PLXNC1: variants seen among roughly 807,000 people sequenced by gnomAD.
The protein encoded by PLXNC1 is plexin-C1.
In PLXNC1, 75 loss-of-function variants were observed where a neutral mutation model predicts 178.2. The ratio of observed to expected loss-of-function variants is 0.42; its 90% CI spans 0.35 to 0.51. The LOEUF (loss-of-function observed/expected upper bound fraction) is 0.51, where lower values mean the gene tolerates loss of function less well. Among genes scored for constraint, PLXNC1 ranks in the 20% least tolerant of loss-of-function variants. PLXNC1 has a pLI of 0.02. For missense variants in PLXNC1, 1,503 were observed against 1,984.4 expected (o/e 0.76, Z 4.61); for synonymous variants, 790 against 779.9 (o/e 1.01, Z -0.22).
At chr12:94,277,989 G>A (rs1966107009) in intron 21 of PLXNC1, 2 of 455,896 alleles carry the variant, frequency 4.4e-6, no homozygotes, top group Non-Finnish European at 8.8e-6. Context: ...ATTGCCTCCT[G>A]CAGCCTCTGC....
intron 9 of PLXNC1, among the ~76,000 whole-genome samples, chr12:94,231,459 C>G (rs143291621): frequency 7.2e-5 from 11 of 152,254 alleles, no homozygotes; most frequent in Non-Finnish European, 1.3e-4. Flanking sequence ...TCTTCAGTGG[C>G]AATGGAATGC....
At chr12:94,300,392 A>C (rs1212715043) in intron 27 of PLXNC1, among the ~76,000 whole-genome samples, 2 of 152,194 alleles carry the variant, frequency 1.3e-5, no homozygotes, top group Non-Finnish European at 2.9e-5. Flanking sequence ...CAAGAGCACA[A>C]GTTGTGAGGC....
At chr12:94,264,265 G>C (rs1479134316) in intron 20 of PLXNC1, among the ~76,000 whole-genome samples, 1 of 152,138 alleles carries the variant, frequency 6.6e-6, no homozygotes, top group East Asian at 1.9e-4. Flanking sequence ...GCAGACATCC[G>C]TGTCTGCGAA....
intron 2 of PLXNC1, among the ~76,000 whole-genome samples, chr12:94,173,473 A>T (rs1961923909): frequency 1.3e-5 from 2 of 152,206 alleles, no homozygotes; most frequent in Non-Finnish European, 2.9e-5. Flanking sequence ...AATAATCGCT[A>T]ACATTTCTGA....
rs77277983 is a variant in PLXNC1, at chr12:94,254,770, G to T, written c.2882-17G>T. 0.018 allele frequency: 27,611 copies of T among 1,560,654 alleles called. 304 individuals are homozygous for T. Among genetic ancestry groups the T allele is most frequent in the Middle Eastern group, 0.037 (218 of 5,828 alleles). On this transcript the variant is annotated splice_polypyrimidine_tract_variant and intron_variant, in intron 15 of 30. Coordinates refer to ENST00000258526, the MANE Select transcript of PLXNC1 (RefSeq NM_005761.3). ...TGAGTTACCATGTCCCTCTGATGCA[G>T]CATCTCTGTCTCTTAGCGGCCGTGG...
chr12:94,200,349 C>A (rs1963076829), intron 4 of PLXNC1, among the ~76,000 whole-genome samples: 1 of 152,170 alleles, frequency 6.6e-6, no homozygotes, highest in Non-Finnish European at 1.5e-5. Context: ...TCTCTGTGAC[C>A]TAATATTTGT....
intron 2 of PLXNC1, among the ~76,000 whole-genome samples, chr12:94,177,516 A>G (rs971431136): frequency 1.4e-5 from 2 of 147,094 alleles, no homozygotes; most frequent in African/African-American, 5.2e-5. Context: ...AGAAAGAAAG[A>G]GAGAGAGAGG....
In PLXNC1 at chr12:94,253,211, G is replaced by GAAAAAAAAAA. The variant is rs35584186; in HGVS notation, c.2882-1558_2882-1549dup. Among the ~76,000 whole-genome samples, 3 of 42,018 alleles carry GAAAAAAAAAA rather than the reference G, an allele frequency of 7.1e-5. 1 individual carries two copies. Among genetic ancestry groups the GAAAAAAAAAA allele is most frequent in the Non-Finnish European group, 1.1e-4 (2 of 18,378 alleles). The allele number at this position is 42,018 out of a possible 152,430, so 27.6% of individuals were successfully genotyped here. Reference sequence around the variant, plus strand: ...GGCCACAGAACAAGACTCCGTCTCAGAAAAAAAAAAAAAAAAAAAAAAAAA... The same window carrying GAAAAAAAAAA: ...GGCCACAGAACAAGACTCCGTCTCAGAAAAAAAAAAAAAAAAAAAAAAAAAAAAAAAAAAA... On this transcript the variant is annotated intron_variant, in intron 15 of 30. Coordinates refer to ENST00000258526, the MANE Select transcript of PLXNC1 (RefSeq NM_005761.3).
chr12:94,288,538 C>T (rs1382291892), intron 23 of PLXNC1, among the ~76,000 whole-genome samples: 1 of 152,210 alleles, frequency 6.6e-6, no homozygotes, highest in Non-Finnish European at 1.5e-5. Flanking sequence ...GGCATTTTCT[C>T]TGGTTTCCAG....
intron 1 of PLXNC1, among the ~76,000 whole-genome samples, chr12:94,157,905 C>T (rs531531753): frequency 1.1e-4 from 17 of 152,238 alleles, no homozygotes; most frequent in East Asian, 9.6e-4. Flanking sequence ...TTATGGACAC[C>T]GAAATGTGAA....
Position 94,209,699 on chromosome 12 carries a change from G to T in PLXNC1, c.1549G>T (p.Glu517Ter). The change falls in exon 5 of 31, where the codon GAA becomes TAA. Residue 517 changes from glutamate to a stop codon, truncating the protein, a stop_gained. Coordinates refer to ENST00000258526, the MANE Select transcript of PLXNC1 (RefSeq NM_005761.3). LOFTEE classifies it high-confidence loss of function. ...PKIQIIRSSK[E>*]KTTVTMVGSF... ...AATTCAGATAATTCGAAGCAGTAAA[G>T]AAAAGGTAAGAGGAAAGATTTTAAT... is the stretch of plus-strand genomic sequence containing the variant. 1 of 1,574,602 alleles carries T rather than the reference G, an allele frequency of 6.4e-7. No individual in the cohort carries two copies. Among genetic ancestry groups the T allele is most frequent in the Non-Finnish European group, 8.7e-7 (1 of 1,144,210 alleles).
chr12:94,222,713 G>C (rs972010662), intron 6 of PLXNC1, among the ~76,000 whole-genome samples: 1 of 151,094 alleles, frequency 6.6e-6, no homozygotes, highest in Non-Finnish European at 1.5e-5. Context: ...TGCCTATTTG[G>C]TGCTTGAAAA....
chr12:94,197,434 CCTTTCT>C (rs1166462085), intron 4 of PLXNC1, among the ~76,000 whole-genome samples: 1 of 10,536 alleles, frequency 9.5e-5, no homozygotes, highest in Non-Finnish European at 2.6e-4. Flanking sequence ...ACATTAGGCC[CCTTTCT>C]CTCTCTCTCT....
chr12:94,180,220 C>A (rs1962257251), intron 2 of PLXNC1, among the ~76,000 whole-genome samples: 1 of 152,148 alleles, frequency 6.6e-6, no homozygotes. Flanking sequence ...TCTTACTGTT[C>A]ACTCCTCTAC....
Position 94,260,640 on chromosome 12 carries a change from A to C in PLXNC1, c.3252-2A>C. On this transcript the variant is annotated splice_acceptor_variant, in intron 19 of 30. Transcript: ENST00000258526. LOFTEE classifies it high-confidence loss of function. This position sits in a 1 kb window ranked among gnomAD's most constrained non-coding sequence, Gnocchi z 4.4. ...GGTTCACCCAGCTCTCTTTTTCAAC[A>C]GGTGTCTGTTTGCCTCCTTCCTAAC... 1 of 1,611,012 alleles carries C rather than the reference A, an allele frequency of 6.2e-7. No individual in the cohort carries two copies. Among genetic ancestry groups the C allele is most frequent in the Non-Finnish European group, 8.5e-7 (1 of 1,178,292 alleles).
At chr12:94,190,940 C>G (rs527320858) in intron 4 of PLXNC1, among the ~76,000 whole-genome samples, 2 of 152,326 alleles carry the variant, frequency 1.3e-5, no homozygotes, top group Non-Finnish European at 2.9e-5. Flanking sequence ...CACCTGCCTA[C>G]CCAGTCTTCA....
chr12:94,302,922 C>T (rs182126438), intron 28 of PLXNC1, among the ~76,000 whole-genome samples: 1 of 152,188 alleles, frequency 6.6e-6, no homozygotes, highest in Admixed American at 6.5e-5. Context: ...TTTCTGGGTT[C>T]CACTTAAATT....
rs1398135075 is a variant in PLXNC1, at chr12:94,182,885, A to ATCTG, written c.1338+1308_1338+1309insGTCT. Among the ~76,000 whole-genome samples the ATCTG allele has an allele frequency of 1.6e-3, 236 of 150,862 alleles. 18 individuals carry two copies. In the Middle Eastern group the frequency reaches 0.017, roughly 11 times the overall value. On this transcript the variant is annotated intron_variant, in intron 3 of 30. Coordinates refer to ENST00000258526, the MANE Select transcript of PLXNC1 (RefSeq NM_005761.3). ...TATCTATCTATCTATCTATCTATCT[A>ATCTG]TCTATCTATCTATCTATCTATCATC... is the stretch of plus-strand genomic sequence containing the variant.
intron 2 of PLXNC1, among the ~76,000 whole-genome samples, chr12:94,180,371 C>T (rs1484398240): frequency 6.6e-6 from 1 of 152,184 alleles, no homozygotes; most frequent in Non-Finnish European, 1.5e-5. Flanking sequence ...TTTTCAGTGA[C>T]ACCTACCCTG....
Sources: gnomAD v4.1 joint callset for allele counts (sites outside exome capture counted in the v4.1 genomes callset) on GRCh38, gnomAD v4.1.1 for gene constraint, Gnocchi (gnomAD v3.1) non-coding constraint, MANE v1.5 for transcripts, NCBI Gene and HGNC (gene_info 2026-07-23, HGNC 2026-07-21) for gene names.